Variants in ANK3 observed in about 807,000 individuals in gnomAD.
ANK3 encodes ankyrin 3, also known as ankyrin-3.
In ANK3, 57 loss-of-function variants were observed where a neutral mutation model predicts 370.9. The observed-to-expected ratio is 0.15, with a 90% confidence interval of 0.12 to 0.19. The LOEUF is 0.19. ANK3 is among the 10% of genes least tolerant of loss of function. The pLI is 1.00. For missense variants in ANK3, 4,439 were observed against 5,302.1 expected (o/e 0.84, Z 5.06); for synonymous variants, 1,929 against 1,946.3 (o/e 0.99, Z 0.23).
chr10:60,456,536 A>C (rs1473525452), intron 2 of ANK3, among the ~76,000 whole-genome samples: 1 of 152,192 alleles, frequency 6.6e-6, no homozygotes, highest in Non-Finnish European at 1.5e-5. Context: ...ACTAACCAGC[A>C]ATGACGCTAT....
At chr10:60,615,045 TAAC>T (rs946244946) in intron 2 of ANK3, 35 of 555,160 alleles carry the variant, frequency 6.3e-5, no homozygotes, top group Non-Finnish European at 7.2e-5. Context: ...TAAATAAAAA[TAAC>T]AACAACAACA....
intron 2 of ANK3, among the ~76,000 whole-genome samples, chr10:60,431,405 C>T (rs957338362): frequency 1.3e-5 from 2 of 152,134 alleles, no homozygotes; most frequent in Admixed American, 6.5e-5. Flanking sequence ...TAATGTTAGC[C>T]ATGGAGAGCG....
At chr10:60,396,465 A>C (rs1053859506) in intron 2 of ANK3, among the ~76,000 whole-genome samples, 3 of 152,218 alleles carry the variant, frequency 2.0e-5, no homozygotes, top group Admixed American at 1.3e-4. Context: ...TACTGAAGAT[A>C]ATAGATATGC....
At chr10:60,304,464 G>A (rs865941697) in intron 1 of ANK3, among the ~76,000 whole-genome samples, 10 of 151,856 alleles carry the variant, frequency 6.6e-5, no homozygotes, top group Middle Eastern at 3.4e-3. Flanking sequence ...CCAACATAGC[G>A]AAACCCTGTC....
At chr10:60,200,410 G>T in intron 12 of ANK3, 183 bp from the exon 13 acceptor site, 1 of 645,468 alleles carries the variant, frequency 1.5e-6, no homozygotes, top group South Asian at 1.7e-5. Flanking sequence ...ATGAGGCAAA[G>T]ACTTTGGCAT....
chr10:60,725,289 C>T (rs1412735931), intron 1 of ANK3, among the ~76,000 whole-genome samples: 1 of 152,154 alleles, frequency 6.6e-6, no homozygotes, highest in Admixed American at 6.5e-5. Context: ...TTTTCCTCTC[C>T]CCCAAGCAAT....
At chr10:60,481,869 A>G (rs1254536236) in intron 2 of ANK3, among the ~76,000 whole-genome samples, 1 of 152,206 alleles carries the variant, frequency 6.6e-6, no homozygotes. Flanking sequence ...TATTGTCTTT[A>G]TCCCCAGTGA....
At chr10:60,375,877 T>C (rs2060707250) in intron 1 of ANK3, among the ~76,000 whole-genome samples, 2 of 152,218 alleles carry the variant, frequency 1.3e-5, no homozygotes, top group African/African-American at 4.8e-5. Context: ...ATGCTTAGCA[T>C]AAAATAAACC....
chr10:60,234,893 A>T, intron 7 of ANK3, 107 bp from the exon 8 acceptor site: 1 of 701,536 alleles, frequency 1.4e-6, no homozygotes, highest in South Asian at 1.6e-5. Context: ...CCTTTTCTAA[A>T]CATCCTTTAT....
chr10:60,733,363 C>G (rs369289222), exon 1 of ANK3: 1 of 1,228,768 alleles, frequency 8.1e-7, no homozygotes, highest in Non-Finnish European at 1.0e-6. Flanking sequence ...ACTCCAGTCT[C>G]TCCTCCCCGT....
intron 1 of ANK3, among the ~76,000 whole-genome samples, chr10:60,369,400 T>C (rs559786792): frequency 1.3e-5 from 2 of 152,250 alleles, no homozygotes; most frequent in South Asian, 4.2e-4. Context: ...GGGCTATTCA[T>C]TCCTGTTATA....
chr10:60,509,116 A>T (rs1462385168), intron 2 of ANK3, among the ~76,000 whole-genome samples: 1 of 152,114 alleles, frequency 6.6e-6, no homozygotes, highest in East Asian at 1.9e-4. Flanking sequence ...ATCACTGTTC[A>T]CTACCCTGCA....
At chr10:60,078,953 C>T (rs2084457047) in intron 36 of ANK3, among the ~76,000 whole-genome samples, 1 of 152,042 alleles carries the variant, frequency 6.6e-6, no homozygotes, top group South Asian at 2.1e-4. Flanking sequence ...GGGAAACATT[C>T]AATTGACTTT....
At position 60,289,683 on chromosome 10, in the gene ANK3, C is replaced by A. The variant is rs536691652; in HGVS notation, c.115-10044G>T. On this transcript the variant is annotated intron_variant, in intron 1 of 43. Transcript: ENST00000280772. ...CAAAGTGCTGATGTAAGCCACAGTG[C>A]CCAGCCTTATGCCCCCTGCTTTTCA... Among the ~76,000 whole-genome samples, 112 of 152,242 alleles carry A rather than the reference C, an allele frequency of 7.4e-4. 2 individuals are homozygous for A. In the South Asian group the frequency reaches 0.022, roughly 29 times the overall value.
chr10:60,470,607 C>T (rs1436494429), intron 2 of ANK3, among the ~76,000 whole-genome samples: 4 of 152,012 alleles, frequency 2.6e-5, no homozygotes, highest in African/African-American at 9.7e-5. Flanking sequence ...CAATCACCCC[C>T]GTGGCTGGTC....
intron 2 of ANK3, among the ~76,000 whole-genome samples, chr10:60,509,321 A>C (rs2076021685): frequency 6.6e-6 from 1 of 152,170 alleles, no homozygotes; most frequent in Admixed American, 6.6e-5. Context: ...ATATTGTGTC[A>C]AATACCAAAG....
intron 1 of ANK3, among the ~76,000 whole-genome samples, chr10:60,620,763 C>T (rs1375236052): frequency 6.6e-6 from 1 of 151,998 alleles, no homozygotes; most frequent in Non-Finnish European, 1.5e-5. Flanking sequence ...ACGCTAATTA[C>T]CAAGACCACT....
chr10:60,279,699 C>G, intron 1 of ANK3, 60 bp from the exon 2 acceptor site: 1 of 1,290,110 alleles, frequency 7.8e-7, no homozygotes, highest in Non-Finnish European at 1.1e-6. Context: ...TGTTTATAAA[C>G]TATCCAGCTT....
At chr10:60,585,435 G>C (rs960413723) in intron 2 of ANK3, among the ~76,000 whole-genome samples, 4 of 152,152 alleles carry the variant, frequency 2.6e-5, no homozygotes, top group Non-Finnish European at 2.9e-5. Context: ...AAGTGAAAAG[G>C]CTGAGTGCCC....
Sources: gnomAD v4.1 joint callset for allele counts (sites outside exome capture counted in the v4.1 genomes callset) on GRCh38, gnomAD v4.1.1 for gene constraint, MANE v1.5 for transcripts, NCBI Gene and HGNC (gene_info 2026-07-23, HGNC 2026-07-21) for gene names.